Variants in PIMREG observed in about 807,000 individuals in gnomAD.
The protein encoded by PIMREG is PICALM interacting mitotic regulator.
PIMREG carries 19 observed loss-of-function variants against 24.3 expected under a neutral mutation model. The ratio of observed to expected loss-of-function variants is 0.78; its 90% confidence interval spans 0.54 to 1.15. PIMREG has a LOEUF of 1.15. Ranked by LOEUF, PIMREG falls within the 50% of genes most tolerant of loss-of-function variation. The pLI is 0.00. For synonymous variants in PIMREG, 112 were observed against 124.1 expected (o/e 0.90, Z 0.65); for missense variants, 283 against 306.8 (o/e 0.92, Z 0.58).
chr17:6,446,910 G>T (rs981397636), intron 2 of PIMREG, among the ~76,000 whole-genome samples: 1 of 152,154 alleles, frequency 6.6e-6, no homozygotes, highest in African/African-American at 2.4e-5. Flanking sequence ...GCACCAGGGG[G>T]GTCCTCCTGC....
In PIMREG at chr17:6,447,767, G is replaced by A. The variant is rs1311196178; in HGVS notation, c.590+9G>A. Reference sequence around the variant, plus strand: ...CCCCTCTGCTCTCCCAGGCAAGTGGGATAGTGCTTCACCCCGGGGCTGGTG... The same window carrying A: ...CCCCTCTGCTCTCCCAGGCAAGTGGAATAGTGCTTCACCCCGGGGCTGGTG... On this transcript the variant is annotated intron_variant, in intron 3 of 5. Coordinates refer to ENST00000572447, the MANE Select transcript of PIMREG (RefSeq NM_019013.3). 3.8e-6 allele frequency: 6 copies of A among 1,590,286 alleles called. No homozygotes were observed. The highest frequency in any genetic ancestry group is 5.2e-6 in the Non-Finnish European group (6 of 1,164,128).
At chr17:6,449,029 C>T (rs1913699493) in intron 3 of PIMREG, among the ~76,000 whole-genome samples, 1 of 152,228 alleles carries the variant, frequency 6.6e-6, no homozygotes, top group African/African-American at 2.4e-5. Context: ...TCACCCAAGC[C>T]TCCTAGTGAG....
rs751034464 is a variant in PIMREG at position 6,445,197 on chromosome 17, G to T, written c.87G>T (p.Leu29=). 4.2e-5 allele frequency: 67 copies of T among 1,613,740 alleles called. No individual in the cohort carries two copies. The East Asian group carries it at 1.5e-3, about 36-fold the overall frequency. ...AGCAGCTGGAGGACAGCAAGGAGCT[G>T]CAGCCTGTGGTCAGCCATCAGGAGA... ...HQEQLEDSKE[L]QPVVSHQETS... The change falls in exon 2 of 6, where the codon CTG becomes CTT. Residue 29 remains leucine (L), a synonymous_variant. Transcript: ENST00000572447.
At chr17:6,446,264 A>G (rs1913567653) in intron 2 of PIMREG, 1 of 399,952 alleles carries the variant, frequency 2.5e-6, no homozygotes, top group African/African-American at 2.1e-5. Flanking sequence ...CTTAGAAAGG[A>G]CAGAAGCCAT....
Position 6,447,638 on chromosome 17 carries a change from A to T in PIMREG, c.470A>T (p.Glu157Val). ...GCCCACTCAGCCGCAGACCCCTGGG[A>T]GAAGGAGCATCACCGCCTCTCTGTC... The part of the protein sequence containing the change: ...APAHSAADPW[E>V]KEHHRLSVRM... The change falls in exon 3 of 6, where the codon GAG becomes GTG. Residue 157 changes from glutamate (E) to valine (V), a missense_variant. Physicochemically the swap from Glu to Val is moderately radical, Grantham distance 121 (BLOSUM62 -2). Transcript: ENST00000572447. 6.2e-7 allele frequency: 1 copy of T among 1,613,800 alleles called. No homozygotes were observed. The highest frequency in any genetic ancestry group is 8.5e-7 in the Non-Finnish European group (1 of 1,179,884).
Position 6,450,389 on chromosome 17 carries a change from C to A in PIMREG, c.*42C>A, listed in dbSNP as rs781255765. 19 of 1,569,542 alleles carry A rather than the reference C, an allele frequency of 1.2e-5. No homozygotes were observed. The highest frequency in any genetic ancestry group is 1.5e-5 in the Non-Finnish European group (17 of 1,165,320). On this transcript the variant is annotated 3_prime_UTR_variant, in exon 6 of 6. Transcript: ENST00000572447. Reference sequence around the variant, plus strand: ...AACAAGCCCTGTCTGACCGCCAAGGCTTCATACTCAAGGATGTCTATGCTT... The same window carrying A: ...AACAAGCCCTGTCTGACCGCCAAGGATTCATACTCAAGGATGTCTATGCTT...
In PIMREG at chr17:6,445,371, C is replaced by T; in HGVS notation, c.261C>T (p.Arg87=). ...AGCAGGGCCTCCAGGCTGCAGCTCGCTCAGCTAAGAGTGCTTTGGGTGCCG... is the reference window on the plus strand; with the variant it reads ...AGCAGGGCCTCCAGGCTGCAGCTCGTTCAGCTAAGAGTGCTTTGGGTGCCG... The part of the protein sequence containing the change: ...PGQQGLQAAA[R]SAKSALGAVS... Residue 87 remains arginine (R), a synonymous_variant, in exon 2 of 6, where the codon CGC becomes CGT. Transcript: ENST00000572447. 6.2e-7 allele frequency: 1 copy of T among 1,613,900 alleles called. No homozygotes were observed. Among genetic ancestry groups the T allele is most frequent in the Non-Finnish European group, 8.5e-7 (1 of 1,179,860 alleles).
chr17:6,448,535 G>A (rs1407293567), intron 3 of PIMREG, among the ~76,000 whole-genome samples: 3 of 152,286 alleles, frequency 2.0e-5, no homozygotes, highest in Non-Finnish European at 4.4e-5. Context: ...GTAAGGAAAC[G>A]GAGGTCCGGA....
In PIMREG at chr17:6,451,147, TTGGGG is replaced by T. The variant is rs1261048239; in HGVS notation, c.*802_*806del. ...GGGCTATAGATTTGTAATTTGTGGT[TTGGGG>T]TCTGGCCCTCATCCACCTCTGCTCC... On this transcript the variant is annotated 3_prime_UTR_variant, in exon 6 of 6. Transcript: ENST00000572447. The T allele has an allele frequency of 6.6e-6, 1 of 152,200 alleles. No homozygotes were observed. The highest frequency in any genetic ancestry group is 2.4e-5 in the African/African-American group (1 of 41,448). The allele number at this position is 152,200 out of a possible 1,614,324, so 9.4% of individuals were successfully genotyped here.
chr17:6,449,593 A>G, intron 4 of PIMREG, 186 bp downstream of exon 4: 1 of 1,093,314 alleles, frequency 9.1e-7, no homozygotes, highest in Non-Finnish European at 1.3e-6. Context: ...GGGTGATGGT[A>G]AAGGATGTAG....
intron 4 of PIMREG, chr17:6,449,703 G>A (rs949077411): frequency 7.2e-7 from 1 of 1,395,218 alleles, no homozygotes; most frequent in Middle Eastern, 2.7e-4. Flanking sequence ...CCTTCCTCCA[G>A]AACTCTCCGT....
chr17:6,445,741 C>T (rs1913547152), intron 2 of PIMREG, among the ~76,000 whole-genome samples: 1 of 152,146 alleles, frequency 6.6e-6, no homozygotes, highest in Non-Finnish European at 1.5e-5. Flanking sequence ...GAGGTGATTC[C>T]AGAGTTCACC....
Position 6,450,713 on chromosome 17 carries a change from C to G in PIMREG, c.*366C>G, listed in dbSNP as rs1051443. The G allele has an allele frequency of 0.2, 75,676 of 372,340 alleles. 8,669 individuals are homozygous for G. The highest frequency in any genetic ancestry group is 0.38 in the African/African-American group (18,399 of 48,390). The allele number at this position is 372,340 out of a possible 1,614,324, so 23.1% of individuals were successfully genotyped here. ...ATCAGATATTTGAGAGCTCTTAGCT[C>G]TGTACCCGGGTGCCTGGTTTTTGGG... is the stretch of plus-strand genomic sequence containing the variant. On this transcript the variant is annotated 3_prime_UTR_variant, in exon 6 of 6. Transcript: ENST00000572447.
At position 6,445,194 on chromosome 17, in the gene PIMREG, G is replaced by A. The variant is rs762605666; in HGVS notation, c.84G>A (p.Glu28=). The A allele has an allele frequency of 1.9e-6, 3 of 1,613,844 alleles. No individual in the cohort carries two copies. Among genetic ancestry groups the A allele is most frequent in the East Asian group, 4.5e-5 (2 of 44,872 alleles). Reference sequence around the variant, plus strand: ...AGGAGCAGCTGGAGGACAGCAAGGAGCTGCAGCCTGTGGTCAGCCATCAGG... The same window carrying A: ...AGGAGCAGCTGGAGGACAGCAAGGAACTGCAGCCTGTGGTCAGCCATCAGG... ...QHQEQLEDSK[E]LQPVVSHQET... is the part of the protein sequence containing the mutation. Residue 28 remains glutamate, a synonymous_variant, in exon 2 of 6, where the codon GAG becomes GAA. Coordinates refer to ENST00000572447, the MANE Select transcript of PIMREG (RefSeq NM_019013.3).
chr17:6,449,441 G>A (rs1913721771), intron 4 of PIMREG, 34 bp downstream of exon 4: 5 of 1,574,652 alleles, frequency 3.2e-6, no homozygotes, highest in Non-Finnish European at 4.3e-6. Flanking sequence ...AAGTGAAGGG[G>A]CCGGGAGGGC....
In PIMREG at chr17:6,450,422, A is replaced by G. The variant is rs774119308; in HGVS notation, c.*75A>G. Reference sequence around the variant, plus strand: ...TCAAGGATGTCTATGCTTCCCCGTGAGCTTCCTGGAAAAAACCCCCGGGAG... The same window carrying G: ...TCAAGGATGTCTATGCTTCCCCGTGGGCTTCCTGGAAAAAACCCCCGGGAG... On this transcript the variant is annotated 3_prime_UTR_variant, in exon 6 of 6. Transcript: ENST00000572447. The G allele has an allele frequency of 6.4e-7, 1 of 1,569,282 alleles. No homozygotes were observed. Among genetic ancestry groups the G allele is most frequent in the South Asian group, 1.2e-5 (1 of 86,498 alleles).
At position 6,445,135 on chromosome 17, in the gene PIMREG, G is replaced by A; in HGVS notation, c.25G>A (p.Gly9Arg). ...GATGGCTTCTCGGTGGCAGAACATGGGGACCTCCGTGCGCCGGAGATCTCT... is the reference window on the plus strand; with the variant it reads ...GATGGCTTCTCGGTGGCAGAACATGAGGACCTCCGTGCGCCGGAGATCTCT... Reference protein sequence around the residue: MASRWQNMGTSVRRRSLQH... With the variant: MASRWQNMRTSVRRRSLQH... Residue 9 changes from glycine (G) to arginine (R), a missense_variant, in exon 2 of 6, where the codon GGG becomes AGG. Physicochemically the swap from Gly to Arg is moderately radical, Grantham distance 125. Transcript: ENST00000572447. 1 of 1,594,262 alleles carries A rather than the reference G, an allele frequency of 6.3e-7. No homozygotes were observed.
rs898972807 is a variant in PIMREG at position 6,447,877 on chromosome 17, T to C, written c.590+119T>C. ...GGGGTTTCTTGGCACCCCCTGTGGC[T>C]ACCTGGAGCCAGGGGCACCCTGAGC... On this transcript the variant is annotated intron_variant, in intron 3 of 5. Coordinates refer to ENST00000572447, the MANE Select transcript of PIMREG (RefSeq NM_019013.3). 7.4e-6 allele frequency: 8 copies of C among 1,085,896 alleles called. No homozygotes were observed. The African/African-American group carries it at 1.3e-4, about 17-fold the overall frequency. The allele number at this position is 1,085,896 out of a possible 1,614,324, so 67.3% of individuals were successfully genotyped here.
intron 3 of PIMREG, 146 bp downstream of exon 3, chr17:6,447,904 G>A (rs1913648164): frequency 1.4e-6 from 1 of 719,350 alleles, no homozygotes; most frequent in Non-Finnish European, 2.3e-6. Context: ...ACCCTGAGCA[G>A]CGTCATATTG....
Sources: gnomAD v4.1 joint callset for allele counts (sites outside exome capture counted in the v4.1 genomes callset) on GRCh38, gnomAD v4.1.1 for gene constraint, MANE v1.5 for transcripts, NCBI Gene and HGNC (gene_info 2026-07-23, HGNC 2026-07-21) for gene names.